Variants in SVIL observed in about 807,000 individuals in gnomAD.
SVIL encodes archvillin.
SVIL carries 101 observed loss-of-function variants against 240.4 expected under a neutral mutation model. The ratio of observed to expected loss-of-function variants is 0.42; its 90% CI spans 0.36 to 0.50. The LOEUF is 0.50. Ranked by LOEUF, SVIL falls within the 20% of genes least tolerant of loss-of-function variation. The pLI is 0.01. For missense variants in SVIL, 2,512 were observed against 2,818.7 expected (o/e 0.89, Z 2.46); for synonymous variants, 999 against 1,100.0 (o/e 0.91, Z 1.82).
chr10:29,649,908 G>A (rs1314976388), intron 3 of SVIL, among the ~76,000 whole-genome samples: 2 of 152,206 alleles, frequency 1.3e-5, no homozygotes, highest in African/African-American at 4.8e-5. Context: ...TATCACAGAA[G>A]TGGGTTCTTT....
intron 29 of SVIL, among the ~76,000 whole-genome samples, chr10:29,478,306 T>TA (rs1277960392): frequency 6.6e-6 from 1 of 152,220 alleles, no homozygotes. Context: ...AGATCCACAT[T>TA]ATCTTGTCTT....
At chr10:29,643,358 G>T (rs1240173325) in intron 3 of SVIL, among the ~76,000 whole-genome samples, 1 of 152,158 alleles carries the variant, frequency 6.6e-6, no homozygotes, top group South Asian at 2.1e-4. Flanking sequence ...AGATGAAAAG[G>T]CTAGGCAACC....
chr10:29,670,604 C>A (rs1206639656), intron 2 of SVIL, among the ~76,000 whole-genome samples: 1 of 152,156 alleles, frequency 6.6e-6, no homozygotes, highest in Non-Finnish European at 1.5e-5. Context: ...AAGCATTTAT[C>A]GGCTTTATAG....
intron 1 of SVIL, among the ~76,000 whole-genome samples, chr10:29,588,725 T>G (rs1956268544): frequency 6.6e-6 from 1 of 152,228 alleles, no homozygotes; most frequent in Non-Finnish European, 1.5e-5. Context: ...CTGCCTTTTG[T>G]CCCCAGAAAG....
At chr10:29,498,608 A>G (rs74851787) in intron 18 of SVIL, among the ~76,000 whole-genome samples, 5,706 of 152,300 alleles carry the variant, frequency 0.037, 371 homozygotes, top group African/African-American at 0.13. Flanking sequence ...GATACTATTT[A>G]TGAAGAAAAG....
intron 17 of SVIL, among the ~76,000 whole-genome samples, chr10:29,506,783 A>G (rs1217890630): frequency 1.3e-5 from 2 of 149,798 alleles, no homozygotes; most frequent in Admixed American, 1.3e-4. Context: ...GGGAAAGGAC[A>G]GAGGCCCTAT....
intron 16 of SVIL, among the ~76,000 whole-genome samples, chr10:29,515,049 C>T (rs375086016): frequency 1.4e-4 from 22 of 152,252 alleles, no homozygotes; most frequent in African/African-American, 5.3e-4. Flanking sequence ...GAACTCTGGA[C>T]CTGTCCCCTT....
At chr10:29,606,471 TTC>T (rs1319089389) in intron 1 of SVIL, among the ~76,000 whole-genome samples, 2 of 152,156 alleles carry the variant, frequency 1.3e-5, no homozygotes, top group African/African-American at 2.4e-5. Flanking sequence ...CTTCTATCTC[TTC>T]TCTCTCTCTG....
At chr10:29,676,045 A>G (rs1457942556) in intron 2 of SVIL, among the ~76,000 whole-genome samples, 1 of 151,830 alleles carries the variant, frequency 6.6e-6, no homozygotes, top group African/African-American at 2.4e-5. Context: ...ATAACTACTG[A>G]CCCCCTGCTT....
Position 29,698,809 on chromosome 10 carries a change from G to A in SVIL, c.-399-12158C>T, listed in dbSNP as rs528837643. Among the ~76,000 whole-genome samples the A allele has an allele frequency of 1.5e-3, 234 of 151,886 alleles. 1 individual carries two copies. Among genetic ancestry groups the A allele is most frequent in the African/African-American group, 5.5e-3 (226 of 41,458 alleles). Reference sequence around the variant, plus strand: ...TAGGTATAGACCTTAGGAAGCAGATGCATACAAACAAAGTAACAATTGCTT... The same window carrying A: ...TAGGTATAGACCTTAGGAAGCAGATACATACAAACAAAGTAACAATTGCTT... On this transcript the variant is annotated intron_variant, in intron 1 of 35. Coordinates refer to the SVIL transcript ENST00000375400.
chr10:29,498,483 C>T (rs1338823766), intron 18 of SVIL, among the ~76,000 whole-genome samples: 10 of 152,142 alleles, frequency 6.6e-5, no homozygotes, highest in Admixed American at 5.2e-4. Context: ...GCTTTTGAAA[C>T]CTACACTTGC....
rs552169199 is a variant in SVIL at position 29,735,095 on chromosome 10, G to C, written c.-400+656C>G. ...ATTACCGCCTTCTGGAGCTCCACTCGGGGTGCCAGGGACTGCTGGCTGTCA... is the reference window on the plus strand; with the variant it reads ...ATTACCGCCTTCTGGAGCTCCACTCCGGGTGCCAGGGACTGCTGGCTGTCA... On this transcript the variant is annotated intron_variant, in intron 1 of 35. Coordinates refer to the SVIL transcript ENST00000375400. This position sits in a 1 kb window ranked among gnomAD's most constrained non-coding sequence, Gnocchi z 4.1. Among the ~76,000 whole-genome samples, 99 of 151,594 alleles carry C rather than the reference G, an allele frequency of 6.5e-4. No individual in the cohort carries two copies. Among genetic ancestry groups the C allele is most frequent in the Middle Eastern group, 3.5e-3 (1 of 286 alleles).
At chr10:29,540,454 G>A (rs58576613) in intron 6 of SVIL, among the ~76,000 whole-genome samples, 9,367 of 152,208 alleles carry the variant, frequency 0.062, 936 homozygotes, top group African/African-American at 0.21. Flanking sequence ...AGGTCTTCTC[G>A]TCTCCATTTT....
chr10:29,467,696 AAAAC>A (rs751403019), intron 33 of SVIL, 42 bp downstream of exon 33: 11 of 1,611,298 alleles, frequency 6.8e-6, no homozygotes, highest in Admixed American at 3.3e-5. Flanking sequence ...CTTGTTTCCA[AAAAC>A]AAACAAAAAA....
At chr10:29,529,209 A>G (rs940130013) in intron 12 of SVIL, among the ~76,000 whole-genome samples, 3 of 151,356 alleles carry the variant, frequency 2.0e-5, no homozygotes, top group Non-Finnish European at 4.4e-5. Context: ...AAAAAGAAAA[A>G]AAGAAAAGAG....
At chr10:29,715,241 A>C (rs982629550) in intron 1 of SVIL, among the ~76,000 whole-genome samples, 1 of 152,196 alleles carries the variant, frequency 6.6e-6, no homozygotes, top group African/African-American at 2.4e-5. Flanking sequence ...AGAATGCTTT[A>C]TATCATTATT....
chr10:29,607,317 A>T (rs1466935710), intron 1 of SVIL, among the ~76,000 whole-genome samples: 1 of 152,188 alleles, frequency 6.6e-6, no homozygotes, highest in Non-Finnish European at 1.5e-5. Context: ...AGGCTGTGTA[A>T]TGCATTCAAT....
In SVIL at chr10:29,531,814, C is replaced by T. The variant is rs145781091; in HGVS notation, c.2009+188G>A. On this transcript the variant is annotated intron_variant, in intron 9 of 37. Coordinates refer to ENST00000355867, the MANE Select transcript of SVIL (RefSeq NM_021738.3). ...TAAAATTGTGTATGTATCATAATAC[C>T]GCTGTAAAGGCTAATATTCTTTAAA... is the stretch of plus-strand genomic sequence containing the variant. Among the ~76,000 whole-genome samples, 28 of 152,078 alleles carry T rather than the reference C, an allele frequency of 1.8e-4. No individual in the cohort carries two copies. In the East Asian group the frequency reaches 2.3e-3, roughly 13 times the overall value.
At chr10:29,525,823 C>G (rs959563941) in intron 13 of SVIL, among the ~76,000 whole-genome samples, 1 of 152,072 alleles carries the variant, frequency 6.6e-6, no homozygotes, top group African/African-American at 2.4e-5. Flanking sequence ...CTATCCCAGG[C>G]CAAAGAGTAG....
Sources: allele counts gnomAD v4.1 joint callset (sites outside exome capture counted in the v4.1 genomes callset), GRCh38; gene constraint gnomAD v4.1.1; non-coding constraint Gnocchi (gnomAD v3.1); transcripts MANE v1.5; gene names NCBI Gene and HGNC (gene_info 2026-07-23, HGNC 2026-07-21).